DUOX1: variants seen among roughly 807,000 people sequenced by gnomAD.
DUOX1 encodes the protein NADPH thyroid oxidase 1.
Under a neutral mutation model 181.8 loss-of-function variants are expected in DUOX1, and 134 were observed. The observed-to-expected ratio is 0.74, with a 90% confidence interval of 0.64 to 0.85. DUOX1 has a LOEUF of 0.85. Among genes scored for constraint, DUOX1 ranks in the 40% least tolerant of loss-of-function variants. The pLI, the probability that DUOX1 is intolerant of heterozygous loss-of-function variation, is 0.00. For synonymous variants in DUOX1, 798 were observed against 832.5 expected, an observed-to-expected ratio of 0.96 and a Z score of 0.71; for missense variants, 1,814 against 2,064.4, an observed-to-expected ratio of 0.88 and a Z score of 2.35.
chr15:45,134,022 G>A, intron 3 of DUOX1, 75 bp downstream of exon 3: 1 of 1,581,472 alleles, frequency 6.3e-7, no homozygotes, highest in East Asian at 2.3e-5. Flanking sequence ...GAGCTGGCAA[G>A]TACCAGCAAA....
chr15:45,137,594 TTAAA>T (rs1339646476), intron 9 of DUOX1, among the ~76,000 whole-genome samples: 1 of 152,110 alleles, frequency 6.6e-6, no homozygotes, highest in Admixed American at 6.5e-5. Flanking sequence ...TTTGAATCCT[TTAAA>T]TAGGTATATA....
intron 4 of DUOX1, 113 bp downstream of exon 4, chr15:45,134,422 G>A (rs1567007257): frequency 2.5e-6 from 3 of 1,190,330 alleles, no homozygotes; most frequent in Non-Finnish European, 3.4e-6. Flanking sequence ...AGGGATGAGG[G>A]TGAGAGGTGG....
At chr15:45,142,801 G>GGAAGGAAGGAAGGAAGGCAGGA (rs1567012359) in intron 15 of DUOX1, among the ~76,000 whole-genome samples, 1 of 144,684 alleles carries the variant, frequency 6.9e-6, no homozygotes, top group Non-Finnish European at 1.5e-5. Context: ...GGGAGGAAGG[G>GGAAGGAAGGAAGGAAGGCAGGA]AGGGAGGAAG....
Position 45,135,213 on chromosome 15 carries a change from C to T in DUOX1, c.417C>T (p.Arg139=). The part of the protein sequence containing the change: ...PGDPMFDPDQ[R]GDVVLPFQRS... ...ACCCCATGTTCGACCCCGACCAGCG[C>T]GGGGACGTGGTGCTGCCCTTCCAGA... Residue 139 remains arginine (R), a synonymous_variant, in exon 5 of 34, where the codon CGC becomes CGT. Transcript: ENST00000389037. 1 of 1,613,636 alleles carries T rather than the reference C, an allele frequency of 6.2e-7. No individual in the cohort carries two copies. The highest frequency in any genetic ancestry group is 8.5e-7 in the Non-Finnish European group (1 of 1,180,000).
intron 27 of DUOX1, among the ~76,000 whole-genome samples, chr15:45,154,833 T>C (rs1293179090): frequency 1.3e-5 from 2 of 152,222 alleles, no homozygotes; most frequent in African/African-American, 2.4e-5. Flanking sequence ...CTCTGTCCTC[T>C]CTGCCCTGCC....
In DUOX1 at chr15:45,133,866, G is replaced by A; in HGVS notation, c.61G>A (p.Ala21Thr). Reference protein sequence around the residue: ...LLVGAWTPLGAQNPISWEVQR... With the variant: ...LLVGAWTPLGTQNPISWEVQR... ...CCCTTCCCTCCATTCTCACACAGGA[G>A]CTCAGAACCCCATTTCGTGGGAGGT... Residue 21 changes from alanine (A) to threonine (T), a missense_variant and splice_region_variant, in exon 3 of 34, where the codon GCT becomes ACT. By Grantham distance (58) the Ala-to-Thr change is moderately conservative. This residue lies in a region of DUOX1 where 320 missense variants were observed against 313.1 expected (regional missense o/e 1.02). Transcript: ENST00000389037. The A allele has an allele frequency of 6.2e-7, 1 of 1,613,662 alleles. No homozygotes were observed.
rs1273725030 is a variant in DUOX1 at position 45,139,533 on chromosome 15, A to C, written c.1323A>C (p.Ala441=). 19 of 1,613,028 alleles carry C rather than the reference A, an allele frequency of 1.2e-5. No homozygotes were observed. Among genetic ancestry groups the C allele is most frequent in the Non-Finnish European group, 1.5e-5 (18 of 1,179,706 alleles). ...CCTCTTACACCAAGGCCAGGGCAGC[A>C]CTGGGCTTGTCTCCCATTACCCGCT... ...GLPSYTKARA[A]LGLSPITRWQ... The change falls in exon 12 of 34, where the codon GCA becomes GCC. Residue 441 remains alanine, a synonymous_variant. Coordinates refer to ENST00000389037, the MANE Select transcript of DUOX1 (RefSeq NM_175940.3).
intron 2 of DUOX1, among the ~76,000 whole-genome samples, chr15:45,133,528 G>A (rs1896206301): frequency 1.3e-5 from 2 of 152,082 alleles, no homozygotes; most frequent in South Asian, 4.1e-4. Context: ...AAGTTTAAGG[G>A]GAGTAAAGTC....
intron 22 of DUOX1, 27 bp downstream of exon 22, chr15:45,150,728 G>A (rs1896779706): frequency 6.2e-7 from 1 of 1,610,442 alleles, no homozygotes; most frequent in African/African-American, 1.3e-5. Context: ...GAATGTCGGG[G>A]GGAGGAGTTG....
At chr15:45,152,081 G>C (rs771648162) in intron 24 of DUOX1, 29 bp downstream of exon 24, 26 of 1,608,040 alleles carry the variant, frequency 1.6e-5, no homozygotes, top group Non-Finnish European at 1.5e-5. Flanking sequence ...CACGAGCCCT[G>C]TCCCTAGGCT....
chr15:45,137,319 C>A (rs1443730498), intron 9 of DUOX1, among the ~76,000 whole-genome samples: 1 of 118,052 alleles, frequency 8.5e-6, no homozygotes, highest in Non-Finnish European at 1.6e-5. Context: ...AAGATCGTGT[C>A]ATTGCACTCC....
At chr15:45,145,509 G>T (rs199829220) in intron 18 of DUOX1, among the ~76,000 whole-genome samples, 2 of 152,348 alleles carry the variant, frequency 1.3e-5, no homozygotes, top group East Asian at 3.9e-4. Flanking sequence ...TTCTGAGAGA[G>T]ACTGGGAGGA....
intron 26 of DUOX1, 124 bp downstream of exon 26, chr15:45,153,603 T>C: frequency 3.8e-6 from 4 of 1,045,878 alleles, no homozygotes; most frequent in Non-Finnish European, 5.9e-6. Flanking sequence ...CAGAGGAGAC[T>C]GTCACCTTCT....
intron 28 of DUOX1, among the ~76,000 whole-genome samples, chr15:45,159,181 ATGC>A (rs1183461546): frequency 6.6e-6 from 1 of 152,236 alleles, no homozygotes; most frequent in Non-Finnish European, 1.5e-5. Flanking sequence ...GTGGCAGGAC[ATGC>A]TGCTGGTGAT....
chr15:45,153,219 TAAAAAA>T (rs71114313), intron 25 of DUOX1, 155 bp from the exon 26 acceptor site: 2,921 of 198,690 alleles, frequency 0.015, no homozygotes, highest in South Asian at 0.027. Flanking sequence ...AGACTCCATC[TAAAAAA>T]AAAAAAAAAA....
At chr15:45,131,017 A>T (rs539664582) in intron 1 of DUOX1, among the ~76,000 whole-genome samples, 1 of 152,134 alleles carries the variant, frequency 6.6e-6, no homozygotes, top group Non-Finnish European at 1.5e-5. Flanking sequence ...TTTTTCATTT[A>T]ATAGGAGATG....
At chr15:45,162,194 C>A (rs1411724598) in intron 30 of DUOX1, 25 bp from the exon 31 acceptor site, 2 of 1,588,826 alleles carry the variant, frequency 1.3e-6, no homozygotes, top group East Asian at 4.5e-5. Context: ...CCAAGCTTAA[C>A]TGAAACCCAC....
chr15:45,147,682 A>T (rs751124126), intron 19 of DUOX1, 24 bp downstream of exon 19: 30 of 1,613,358 alleles, frequency 1.9e-5, no homozygotes, highest in Non-Finnish European at 2.4e-5. Context: ...GAATGATAGG[A>T]GAGGCTGGAC....
rs777102577 is a variant in DUOX1 at position 45,149,649 on chromosome 15, GACC to G, written c.2819-981_2819-979del. On this transcript the variant is annotated intron_variant, in intron 21 of 33. Transcript: ENST00000389037. ...GGATCACTTGAGGTCAGGAGTTTGA[GACC>G]AGCCTGGCCAACATAGAGAAACCCC... Among the ~76,000 whole-genome samples, 277 of 152,278 alleles carry G rather than the reference GACC, an allele frequency of 1.8e-3. 1 individual carries two copies. The highest frequency in any genetic ancestry group is 1.8e-3 in the Non-Finnish European group (122 of 68,022).
Sources: allele counts gnomAD v4.1 joint callset (sites outside exome capture counted in the v4.1 genomes callset), GRCh38; gene constraint gnomAD v4.1.1; regional missense constraint gnomAD v4.1.1; transcripts MANE v1.5; gene names NCBI Gene and HGNC (gene_info 2026-07-23, HGNC 2026-07-21).